CHD5: variants seen among roughly 807,000 people sequenced by gnomAD.
The protein encoded by CHD5 is chromodomain helicase DNA binding protein 5.
Under a neutral mutation model 230.3 loss-of-function variants are expected in CHD5, and 69 were observed. That is an observed-to-expected ratio of 0.30 (90% CI 0.25 to 0.37). The LOEUF (loss-of-function observed/expected upper bound fraction) is 0.37, where lower values mean the gene tolerates loss of function less well. CHD5 is among the 10% of genes least tolerant of loss of function. CHD5 has a pLI of 1.00. For missense variants in CHD5, 1,827 were observed against 2,622.8 expected (o/e 0.70, Z 6.63); for synonymous variants, 1,064 against 1,065.9 (o/e 1.00, Z 0.03).
At chr1:6,107,697 GGAT>G (rs1666212244) in intron 38 of CHD5, among the ~76,000 whole-genome samples, 2 of 147,086 alleles carry the variant, frequency 1.4e-5, no homozygotes, top group Non-Finnish European at 1.5e-5. Context: ...AGGGATGGAG[GGAT>G]GATGGAGAGA....
chr1:6,121,615 C>T lies in CHD5; in HGVS notation c.4700-42G>A, dbSNP rs760680791. 40 of 1,497,684 alleles carry T rather than the reference C, an allele frequency of 2.7e-5. No homozygotes were observed. Among genetic ancestry groups the T allele is most frequent in the Middle Eastern group, 1.7e-4 (1 of 5,856 alleles). The allele number at this position is 1,497,684 out of a possible 1,614,324, so 92.8% of individuals were successfully genotyped here. A position where few individuals can be genotyped will look rare whatever the true frequency, so the allele number is the denominator to read the frequency against. ...AAGAGCTGAGACAGGTGGGCTCAGA[C>T]GGGAAGGAGTAGGGCAGGGAGTGGG... On this transcript the variant is annotated intron_variant, in intron 31 of 41. Transcript: ENST00000262450. This position sits in a 1 kb window ranked among gnomAD's most constrained non-coding sequence, Gnocchi z 4.5.
At chr1:6,151,185 C>T (rs1043575407) in intron 6 of CHD5, 30 bp from the exon 7 acceptor site, 5 of 1,584,418 alleles carry the variant, frequency 3.2e-6, no homozygotes, top group East Asian at 2.3e-5. Context: ...CCTGTGATCC[C>T]AGGGCTTCAC....
intron 30 of CHD5, 145 bp from the exon 31 acceptor site, chr1:6,124,252 G>T: frequency 1.2e-6 from 1 of 827,862 alleles, no homozygotes; most frequent in African/African-American, 1.7e-5. Flanking sequence ...GGCCAAGCCA[G>T]GCCCCTCCTG....
chr1:6,126,983 C>T lies in CHD5; in HGVS notation c.3904-237G>A, dbSNP rs1666568816. 1.8e-6 allele frequency: 1 copy of T among 564,200 alleles called. No homozygotes were observed. Among genetic ancestry groups the T allele is most frequent in the Non-Finnish European group, 3.2e-6 (1 of 314,574 alleles). The allele number at this position is 564,200 out of a possible 1,614,324, so 34.9% of individuals were successfully genotyped here. ...CCATCCATTCACAAAGCAAGTATTT[C>T]CTCGCCTCCTGTCAAGCACTGAGGT... On this transcript the variant is annotated intron_variant, in intron 25 of 41. Transcript: ENST00000262450. The surrounding 1 kb of genome is among the most constrained non-coding windows in gnomAD (Gnocchi z 5.7).
At position 6,124,673 on chromosome 1, in the gene CHD5, G is replaced by A. The variant is rs552969566; in HGVS notation, c.4395-12C>T. On this transcript the variant is annotated splice_polypyrimidine_tract_variant and intron_variant, in intron 29 of 41. Coordinates refer to ENST00000262450, the MANE Select transcript of CHD5 (RefSeq NM_015557.3). ...GGGACACATAGGCTCTGGGGTGGGG[G>A]GGGGGGACTGGGGCTCAGGGAGTGG... The A allele has an allele frequency of 1.0e-5, 11 of 1,089,300 alleles. No individual in the cohort carries two copies. The highest frequency in any genetic ancestry group is 1.4e-5 in the South Asian group (1 of 70,860). The allele number at this position is 1,089,300 out of a possible 1,614,324, so 67.5% of individuals were successfully genotyped here.
At position 6,140,777 on chromosome 1, in the gene CHD5, A is replaced by G. The variant is rs555872204; in HGVS notation, c.2436+1351T>C. Among the ~76,000 whole-genome samples, 23 of 152,174 alleles carry G rather than the reference A, an allele frequency of 1.5e-4. 1 individual carries two copies. In the South Asian group the frequency reaches 4.6e-3, roughly 30 times the overall value. ...TGCTTTGGGAGGCTGAGGCAGGAGG[A>G]TCACTTGAGCCCAGAAGTACAAGAC... On this transcript the variant is annotated intron_variant, in intron 15 of 41. Transcript: ENST00000262450.
chr1:6,113,562 A>C, intron 33 of CHD5: 1 of 247,314 alleles, frequency 4.0e-6, no homozygotes, highest in Non-Finnish European at 8.3e-6. Flanking sequence ...AGACACCAGG[A>C]AGAAGCCTGG....
chr1:6,135,614 C>T (rs898034788), intron 17 of CHD5, among the ~76,000 whole-genome samples: 1 of 152,198 alleles, frequency 6.6e-6, no homozygotes, highest in African/African-American at 2.4e-5. Flanking sequence ...CCTTTCCATC[C>T]TCAAAACCGT....
chr1:6,178,674 G>A (rs1195875212), intron 1 of CHD5, among the ~76,000 whole-genome samples: 9 of 152,106 alleles, frequency 5.9e-5, no homozygotes, highest in Admixed American at 5.2e-4. Flanking sequence ...TGCCAACTTG[G>A]CCTGTCTAAC....
In CHD5 at chr1:6,180,224, T is replaced by G; in HGVS notation, c.-201A>C. On this transcript the variant is annotated 5_prime_UTR_variant, in exon 1 of 42. Transcript: ENST00000262450. ...CTTTCTCTCGGCCGCCTTAGCCTGCTCCCCGCAAAGCCCGGGCGCTCCTCC... is the reference window on the plus strand; with the variant it reads ...CTTTCTCTCGGCCGCCTTAGCCTGCGCCCCGCAAAGCCCGGGCGCTCCTCC... 1.6e-5 allele frequency: 2 copies of G among 128,150 alleles called. No individual in the cohort carries two copies. Among genetic ancestry groups the G allele is most frequent in the Non-Finnish European group, 3.0e-5 (2 of 67,042 alleles). 7.9% of individuals were successfully genotyped at this position (128,150 alleles called of 1,614,324 possible).
chr1:6,171,794 G>A (rs1352185562), intron 1 of CHD5, among the ~76,000 whole-genome samples: 1 of 152,220 alleles, frequency 6.6e-6, no homozygotes, highest in African/African-American at 2.4e-5. Context: ...GCCCGTCCCG[G>A]GTGAGGGGCT....
chr1:6,126,795 C>A lies in CHD5; in HGVS notation c.3904-49G>T. Reference sequence around the variant, plus strand: ...CCATGGGTGGAGCCATCTCTGCCCTCCCGGAAGCCTCAGGCTGCCTCCACC... The same window carrying A: ...CCATGGGTGGAGCCATCTCTGCCCTACCGGAAGCCTCAGGCTGCCTCCACC... On this transcript the variant is annotated intron_variant, in intron 25 of 41. Coordinates refer to ENST00000262450, the MANE Select transcript of CHD5 (RefSeq NM_015557.3). The surrounding 1 kb of genome is among the most constrained non-coding windows in gnomAD (Gnocchi z 5.7). The A allele has an allele frequency of 6.3e-7, 1 of 1,575,500 alleles. No individual in the cohort carries two copies.
chr1:6,177,585 C>T (rs188468173), intron 1 of CHD5, among the ~76,000 whole-genome samples: 23 of 152,314 alleles, frequency 1.5e-4, no homozygotes, highest in Non-Finnish European at 3.1e-4. Flanking sequence ...CGCTTGAGCA[C>T]AGGAGTTCAA....
chr1:6,167,619 A>G lies in CHD5; in HGVS notation c.207+531T>C, dbSNP rs1667275428. 6.6e-6 allele frequency among the ~76,000 whole-genome samples: 1 copy of G among 152,184 alleles called. No individual in the cohort carries two copies. The highest frequency in any genetic ancestry group is 1.5e-5 in the Non-Finnish European group (1 of 68,044). On this transcript the variant is annotated intron_variant, in intron 2 of 41. Coordinates refer to ENST00000262450, the MANE Select transcript of CHD5 (RefSeq NM_015557.3). The surrounding 1 kb of genome is among the most constrained non-coding windows in gnomAD (Gnocchi z 4.5). The stretch of plus-strand genomic sequence containing the variant: ...AATGTGTCAGCAGCGTGGGAAGACA[A>G]GGGACGTGTTCACACCATCACACCC...
intron 11 of CHD5, among the ~76,000 whole-genome samples, chr1:6,145,864 G>A (rs1407029276): frequency 2.0e-5 from 3 of 152,216 alleles, no homozygotes; most frequent in Non-Finnish European, 4.4e-5. Context: ...TACAAACGCG[G>A]GGGAAATGTG....
rs2273033 is a variant in CHD5 at position 6,128,719 on chromosome 1, G to A, written c.3620-110C>T. The A allele has an allele frequency of 2.7e-5, 34 of 1,241,182 alleles. No individual in the cohort carries two copies. The highest frequency in any genetic ancestry group is 3.8e-5 in the Non-Finnish European group (33 of 862,852). The allele number at this position is 1,241,182 out of a possible 1,614,324, so 76.9% of individuals were successfully genotyped here. A position where few individuals can be genotyped will look rare whatever the true frequency, so the allele number is the denominator to read the frequency against. Reference sequence around the variant, plus strand: ...GCTGTCCTAGCCAGGAGATACAGGTGGGGGGTGCAGAAGAGAGGCTGTGTG... The same window carrying A: ...GCTGTCCTAGCCAGGAGATACAGGTAGGGGGTGCAGAAGAGAGGCTGTGTG... On this transcript the variant is annotated intron_variant, in intron 23 of 41. Transcript: ENST00000262450. This position sits in a 1 kb window ranked among gnomAD's most constrained non-coding sequence, Gnocchi z 7.8.
intron 15 of CHD5, among the ~76,000 whole-genome samples, chr1:6,138,657 G>A (rs372601588): frequency 3.3e-5 from 5 of 152,186 alleles, no homozygotes; most frequent in African/African-American, 9.7e-5. Context: ...CGGTCTCCTC[G>A]CCTATCTAGG....
Position 6,110,385 on chromosome 1 carries a change from A to C in CHD5, c.5382+9T>G, listed in dbSNP as rs746840842. The stretch of plus-strand genomic sequence containing the variant: ...GCCCCGTGCAGCCCTGGCCCTTCAG[A>C]AGACAGACCTTAAACCTGCGGGCCA... On this transcript the variant is annotated intron_variant, in intron 37 of 41. Transcript: ENST00000262450. 1.2e-6 allele frequency: 2 copies of C among 1,613,754 alleles called. No homozygotes were observed. Among genetic ancestry groups the C allele is most frequent in the African/African-American group, 1.3e-5 (1 of 74,912 alleles).
intron 33 of CHD5, chr1:6,113,550 T>C (rs567386302): frequency 4.0e-6 from 1 of 248,556 alleles, no homozygotes; most frequent in Non-Finnish European, 8.2e-6. Flanking sequence ...GTTGGGGTGA[T>C]GAGACACCAG....
Sources: gnomAD v4.1 joint callset for allele counts (sites outside exome capture counted in the v4.1 genomes callset) on GRCh38, gnomAD v4.1.1 for gene constraint, Gnocchi (gnomAD v3.1) non-coding constraint, MANE v1.5 for transcripts, NCBI Gene and HGNC (gene_info 2026-07-23, HGNC 2026-07-21) for gene names.